Variants in MITF observed in about 807,000 individuals in gnomAD.
MITF encodes microphthalmia-associated transcription factor.
Under a neutral mutation model 60.5 loss-of-function variants are expected in MITF, and 17 were observed. The ratio of observed to expected loss-of-function variants is 0.28; its 90% CI spans 0.19 to 0.42. MITF has a LOEUF of 0.42. Ranked by LOEUF, MITF falls within the 10% of genes least tolerant of loss-of-function variation. The probability of loss-of-function intolerance (pLI) is 1.00; values close to 1 mark genes in which losing one functional copy is unlikely to be tolerated. For synonymous variants in MITF, 260 were observed against 248.5 expected, an observed-to-expected ratio of 1.05 and a Z score of -0.43; for missense variants, 622 against 683.5, an observed-to-expected ratio of 0.91 and a Z score of 1.00.
intron 1 of MITF, among the ~76,000 whole-genome samples, chr3:69,804,183 C>T (rs1035344664): frequency 2.0e-5 from 3 of 152,198 alleles, no homozygotes; most frequent in African/African-American, 7.2e-5. Flanking sequence ...ACTAAAAATA[C>T]ATGAACAGTT....
intron 1 of MITF, among the ~76,000 whole-genome samples, chr3:69,835,956 G>A (rs947586721): frequency 6.6e-6 from 1 of 151,692 alleles, no homozygotes; most frequent in African/African-American, 2.4e-5. Flanking sequence ...GCTATTCTGG[G>A]TTTTTTTGTG....
chr3:69,763,364 A>G (rs141585028), intron 1 of MITF, among the ~76,000 whole-genome samples: 2 of 152,300 alleles, frequency 1.3e-5, no homozygotes, highest in South Asian at 2.1e-4. Flanking sequence ...AACTGAATCT[A>G]TAGATAAAGA....
intron 1 of MITF, among the ~76,000 whole-genome samples, chr3:69,759,401 C>A (rs980306450): frequency 1.3e-5 from 2 of 152,086 alleles, no homozygotes; most frequent in African/African-American, 2.4e-5. Context: ...GAAAAGGACA[C>A]TTTTTTACAA....
intron 2 of MITF, among the ~76,000 whole-genome samples, chr3:69,925,821 G>A (rs535432318): frequency 6.6e-6 from 1 of 152,236 alleles, no homozygotes; most frequent in Admixed American, 6.5e-5. Flanking sequence ...TCTCATCATT[G>A]AGGTTCCACC....
chr3:69,783,630 C>A (rs2062602272), intron 1 of MITF, among the ~76,000 whole-genome samples: 1 of 151,970 alleles, frequency 6.6e-6, no homozygotes, highest in African/African-American at 2.4e-5. Flanking sequence ...TGCCCAAAGA[C>A]TAATGGTATA....
intron 1 of MITF, among the ~76,000 whole-genome samples, chr3:69,838,790 C>T (rs1441737939): frequency 6.6e-6 from 1 of 152,216 alleles, no homozygotes; most frequent in Non-Finnish European, 1.5e-5. Context: ...GTTCCTGCTG[C>T]TCATTTTTGT....
chr3:69,863,235 G>A (rs892188803), intron 1 of MITF, among the ~76,000 whole-genome samples: 1 of 152,148 alleles, frequency 6.6e-6, no homozygotes, highest in African/African-American at 2.4e-5. Flanking sequence ...GATGACTTGA[G>A]GAGCAGTATT....
At chr3:69,950,926 T>G (rs2107516599) in intron 6 of MITF, among the ~76,000 whole-genome samples, 1 of 152,184 alleles carries the variant, frequency 6.6e-6, no homozygotes, top group Middle Eastern at 3.4e-3. Flanking sequence ...AATGCCTCTA[T>G]TCCTATTTTG....
At chr3:69,844,548 G>T (rs2063697070) in intron 1 of MITF, among the ~76,000 whole-genome samples, 1 of 152,124 alleles carries the variant, frequency 6.6e-6, no homozygotes, top group Non-Finnish European at 1.5e-5. Context: ...TACCATTCAG[G>T]ACATAGGCAT....
chr3:69,917,694 T>C (rs1054464761), intron 2 of MITF, among the ~76,000 whole-genome samples: 3 of 152,020 alleles, frequency 2.0e-5, no homozygotes, highest in African/African-American at 7.2e-5. Context: ...AAAATGTAAT[T>C]TAAATTAATA....
intron 2 of MITF, among the ~76,000 whole-genome samples, chr3:69,907,061 G>A (rs12107258): frequency 6.6e-6 from 1 of 152,082 alleles, no homozygotes; most frequent in East Asian, 1.9e-4. Flanking sequence ...GGTTTAACAA[G>A]TTACCCAAAG....
At chr3:69,744,066 A>G (rs1348921566) in intron 1 of MITF, among the ~76,000 whole-genome samples, 1 of 152,222 alleles carries the variant, frequency 6.6e-6, no homozygotes, top group Non-Finnish European at 1.5e-5. Flanking sequence ...TATTAGCTTT[A>G]TCATGGCAGG....
chr3:69,872,473 A>G (rs2064260525), intron 1 of MITF, among the ~76,000 whole-genome samples: 1 of 152,226 alleles, frequency 6.6e-6, no homozygotes, highest in Admixed American at 6.5e-5. Flanking sequence ...CATTTGATTT[A>G]TAAGTTATGT....
At chr3:69,799,810 G>A (rs1468056318) in intron 1 of MITF, among the ~76,000 whole-genome samples, 1 of 152,144 alleles carries the variant, frequency 6.6e-6, no homozygotes, top group African/African-American at 2.4e-5. Flanking sequence ...TGTCACTGAA[G>A]AGAGCAGGGG....
intron 2 of MITF, among the ~76,000 whole-genome samples, chr3:69,924,244 C>T (rs139928146): frequency 7.2e-4 from 109 of 152,294 alleles, no homozygotes; most frequent in African/African-American, 2.3e-3. Context: ...GTGCCAGCAA[C>T]GCCACAGAAG....
intron 1 of MITF, among the ~76,000 whole-genome samples, chr3:69,783,562 T>C (rs1198169648): frequency 6.6e-6 from 1 of 151,672 alleles, no homozygotes; most frequent in African/African-American, 2.4e-5. Context: ...AGTTGGGTTA[T>C]GTTGCTTTCT....
intron 1 of MITF, among the ~76,000 whole-genome samples, chr3:69,825,517 A>G (rs539816808): frequency 8.1e-4 from 123 of 152,248 alleles, no homozygotes; most frequent in Middle Eastern, 3.4e-3. Flanking sequence ...GTTTCTGGGG[A>G]TTGTCTGCAA....
chr3:69,967,402 G>T lies in MITF; in HGVS notation c.*2154G>T, dbSNP rs189006780. 1.8e-4 allele frequency: 41 copies of T among 232,956 alleles called. No homozygotes were observed. Among genetic ancestry groups the T allele is most frequent in the Middle Eastern group, 1.3e-3 (1 of 780 alleles). 14.4% of individuals were successfully genotyped at this position (232,956 alleles called of 1,614,324 possible). On this transcript the variant is annotated 3_prime_UTR_variant, in exon 10 of 10. Coordinates refer to ENST00000352241, the MANE Select transcript of MITF (RefSeq NM_001354604.2). ...CTATTTTTCTCTTCATATTTATATG[G>T]GGGGGAGGGCGCTGGATGCAAAAGT...
chr3:69,817,346 G>GGTCTAATCTGTTAACATTTGAGTGC (rs368874280), intron 1 of MITF, among the ~76,000 whole-genome samples: 6 of 152,114 alleles, frequency 3.9e-5, no homozygotes, highest in African/African-American at 1.2e-4. Context: ...CATTTGAGTG[G>GGTCTAATCTGTTAACATTTGAGTGC]ATCAAATCTT....
Sources: allele counts gnomAD v4.1 joint callset (sites outside exome capture counted in the v4.1 genomes callset), GRCh38; gene constraint gnomAD v4.1.1; transcripts MANE v1.5; gene names NCBI Gene and HGNC (gene_info 2026-07-23, HGNC 2026-07-21).